The following CDH23 variants were observed in gnomAD, a reference collection of about 807,000 sequenced individuals.
CDH23 encodes cadherin related 23.
Under a neutral mutation model 317.1 loss-of-function variants are expected in CDH23, and 189 were observed. That is an observed-to-expected ratio of 0.60 (90% CI 0.53 to 0.67). CDH23 has a LOEUF of 0.67. Among genes scored for constraint, CDH23 ranks in the 30% least tolerant of loss-of-function variants. CDH23 has a pLI of 0.00. For missense variants in CDH23, 4,401 were observed against 4,592.4 expected (o/e 0.96, Z 1.20); for synonymous variants, 1,839 against 1,876.8 (o/e 0.98, Z 0.52).
At chr10:71,485,501 G>A (rs886324055) in intron 3 of CDH23, among the ~76,000 whole-genome samples, 2 of 152,236 alleles carry the variant, frequency 1.3e-5, no homozygotes, top group African/African-American at 4.8e-5. Context: ...CAGGTGCAAG[G>A]GAGGAGGAGC....
At chr10:71,600,477 T>C (rs918403511) in intron 9 of CDH23, among the ~76,000 whole-genome samples, 3 of 151,932 alleles carry the variant, frequency 2.0e-5, no homozygotes, top group Admixed American at 1.3e-4. Flanking sequence ...AGTGAAGATG[T>C]CTGTTGAGCA....
chr10:71,543,546 C>A (rs1856103453), intron 6 of CDH23, among the ~76,000 whole-genome samples: 1 of 152,222 alleles, frequency 6.6e-6, no homozygotes, highest in South Asian at 2.1e-4. Flanking sequence ...ATAGATGATT[C>A]TGGTTATAAC....
rs375989834 is a variant in CDH23, at chr10:71,627,792, A to G, written c.1134+10399A>G. Reference sequence around the variant, plus strand: ...CACACTCCTGAGCAGGGCTGGCACCATGGGAAGTAGTGAGAATCATTTTAC... The same window carrying G: ...CACACTCCTGAGCAGGGCTGGCACCGTGGGAAGTAGTGAGAATCATTTTAC... On this transcript the variant is annotated intron_variant, in intron 11 of 69. Transcript: ENST00000224721. Among the ~76,000 whole-genome samples the G allele has an allele frequency of 1.1e-4, 16 of 152,316 alleles. 1 individual carries two copies. The highest frequency in any genetic ancestry group is 4.6e-4 in the Admixed American group (7 of 15,310).
At chr10:71,652,274 G>A (rs776485565) in intron 14 of CDH23, among the ~76,000 whole-genome samples, 5 of 152,202 alleles carry the variant, frequency 3.3e-5, no homozygotes, top group South Asian at 2.1e-4. Context: ...TGGGAGGCTG[G>A]CAGCATCTTG....
intron 9 of CDH23, among the ~76,000 whole-genome samples, chr10:71,614,337 A>G (rs1000378696): frequency 3.3e-5 from 5 of 152,214 alleles, no homozygotes; most frequent in African/African-American, 9.6e-5. Flanking sequence ...GGGTGAATGA[A>G]TGGGAGTGAG....
At chr10:71,621,440 A>G (rs1861462390) in intron 11 of CDH23, among the ~76,000 whole-genome samples, 1 of 152,174 alleles carries the variant, frequency 6.6e-6, no homozygotes, top group Non-Finnish European at 1.5e-5. Flanking sequence ...GGGCATGCTT[A>G]GTTTGGCTCA....
intron 38 of CDH23, among the ~76,000 whole-genome samples, chr10:71,772,078 C>T (rs1049161160): frequency 2.0e-5 from 3 of 152,176 alleles, no homozygotes; most frequent in African/African-American, 7.2e-5. Flanking sequence ...TGAGACTGTC[C>T]ATTCCACCTC....
At chr10:71,556,444 T>C (rs2132329533) in intron 6 of CDH23, among the ~76,000 whole-genome samples, 1 of 151,998 alleles carries the variant, frequency 6.6e-6, no homozygotes, top group Non-Finnish European at 1.5e-5. Context: ...CTACTAAAAA[T>C]ACAAAAATTA....
Position 71,779,314 on chromosome 10 carries a change from C to T in CDH23, c.5235C>T (p.Pro1745=). Residue 1745 remains proline (P), a synonymous_variant, in exon 41 of 70, where the codon CCC becomes CCT. Coordinates refer to ENST00000224721, the MANE Select transcript of CDH23 (RefSeq NM_022124.6). ...NDINDNVPTF[P]RDYEGPFEVT... Reference sequence around the variant, plus strand: ...TCAACGACAATGTGCCTACCTTCCCCCGGGACTATGAGGGACCATTTGAAG... The same window carrying T: ...TCAACGACAATGTGCCTACCTTCCCTCGGGACTATGAGGGACCATTTGAAG... 6.2e-6 allele frequency: 10 copies of T among 1,614,022 alleles called. No individual in the cohort carries two copies. Among genetic ancestry groups the T allele is most frequent in the Non-Finnish European group, 7.6e-6 (9 of 1,179,890 alleles).
intron 8 of CDH23, among the ~76,000 whole-genome samples, chr10:71,574,843 C>T (rs571488805): frequency 1.4e-4 from 21 of 152,304 alleles, no homozygotes; most frequent in African/African-American, 4.1e-4. Context: ...TCTTGGCACA[C>T]GCACTGGGTG....
intron 6 of CDH23, among the ~76,000 whole-genome samples, chr10:71,527,154 C>T (rs1409794799): frequency 6.6e-6 from 1 of 152,122 alleles, no homozygotes; most frequent in Non-Finnish European, 1.5e-5. Flanking sequence ...TGCCAGACAC[C>T]TCTCTCAGTC....
intron 1 of CDH23, among the ~76,000 whole-genome samples, chr10:71,402,982 C>T (rs112001181): frequency 0.12 from 17,598 of 151,882 alleles, 1,571 homozygotes; most frequent in African/African-American, 0.25. Flanking sequence ...ATTAGCCGAG[C>T]GTGGTGGCGG....
At chr10:71,473,856 G>A (rs1033562302) in intron 3 of CDH23, among the ~76,000 whole-genome samples, 3 of 152,100 alleles carry the variant, frequency 2.0e-5, no homozygotes, top group Non-Finnish European at 2.9e-5. Flanking sequence ...TCCCTCCCCA[G>A]GGACCTGTTG....
chr10:71,709,378 G>A (rs1320777187), intron 27 of CDH23, among the ~76,000 whole-genome samples, 167 bp downstream of exon 27: 1 of 152,234 alleles, frequency 6.6e-6, no homozygotes, highest in East Asian at 1.9e-4. Flanking sequence ...CGGGCATGAG[G>A]CTCACTGCAT....
chr10:71,521,004 T>G (rs185023593), intron 6 of CDH23, among the ~76,000 whole-genome samples: 1 of 152,126 alleles, frequency 6.6e-6, no homozygotes, highest in Non-Finnish European at 1.5e-5. Context: ...CTTTAATTAC[T>G]TAGCAACTTT....
intron 34 of CDH23, among the ~76,000 whole-genome samples, chr10:71,737,205 A>G (rs1178005426): frequency 1.3e-5 from 2 of 152,206 alleles, no homozygotes; most frequent in African/African-American, 4.8e-5. Context: ...AGATGGGTAG[A>G]GTCTTGGCAA....
At chr10:71,482,004 C>T (rs536499945) in intron 3 of CDH23, among the ~76,000 whole-genome samples, 1 of 152,116 alleles carries the variant, frequency 6.6e-6, no homozygotes, top group Non-Finnish European at 1.5e-5. Flanking sequence ...GAGTGTGAGT[C>T]CTCTTCCCAC....
chr10:71,468,615 CCCT>C (rs1420758071), intron 3 of CDH23, among the ~76,000 whole-genome samples: 3 of 152,334 alleles, frequency 2.0e-5, no homozygotes, highest in Admixed American at 6.5e-5. Context: ...GCCACCTTTT[CCCT>C]CCTAGGTGCC....
chr10:71,543,153 C>G (rs1856077245), intron 6 of CDH23, among the ~76,000 whole-genome samples: 1 of 152,268 alleles, frequency 6.6e-6, no homozygotes, highest in South Asian at 2.1e-4. Flanking sequence ...GACACCAAGG[C>G]CCGGAGAGCT....
Sources: gnomAD v4.1 joint callset for allele counts (sites outside exome capture counted in the v4.1 genomes callset) on GRCh38, gnomAD v4.1.1 for gene constraint, MANE v1.5 for transcripts, NCBI Gene and HGNC (gene_info 2026-07-23, HGNC 2026-07-21) for gene names.